Variants in HDAC7 observed in about 807,000 individuals in gnomAD.
HDAC7 encodes the protein histone deacetylase 7.
In HDAC7, 26 loss-of-function variants were observed where a neutral mutation model predicts 115.5. That is an observed-to-expected ratio of 0.23 (90% CI 0.16 to 0.31). The LOEUF (loss-of-function observed/expected upper bound fraction) is 0.31, where lower values mean the gene tolerates loss of function less well. HDAC7 is among the 10% of genes least tolerant of loss of function. The pLI, the probability that HDAC7 is intolerant of heterozygous loss-of-function variation, is 1.00. For synonymous variants in HDAC7, 564 were observed against 550.9 expected (o/e 1.02, Z -0.33); for missense variants, 1,068 against 1,329.0 (o/e 0.80, Z 3.05).
intron 1 of HDAC7, among the ~76,000 whole-genome samples, chr12:47,811,368 G>GTCC (rs1442342022): frequency 6.6e-6 from 1 of 152,164 alleles, no homozygotes; most frequent in Non-Finnish European, 1.5e-5. Flanking sequence ...AGATGGCATG[G>GTCC]TCCTGGGTAC....
chr12:47,808,510 C>G (rs546247396), intron 1 of HDAC7, among the ~76,000 whole-genome samples: 1 of 152,142 alleles, frequency 6.6e-6, no homozygotes, highest in Non-Finnish European at 1.5e-5. Flanking sequence ...AACCTGAGGC[C>G]GGGGAGCTGG....
intron 22 of HDAC7, 116 bp downstream of exon 22, chr12:47,786,469 T>C: frequency 2.8e-6 from 2 of 721,686 alleles, no homozygotes; most frequent in East Asian, 2.6e-5. Flanking sequence ...GTCCTCAGGC[T>C]GAAAGCCCTG....
chr12:47,797,788 G>A lies in HDAC7; in HGVS notation c.462-289C>T, dbSNP rs945309848. ...CACTAGGAACCTGCTCTGGGAACCA[G>A]GACATTTTTGCGCTCAGGGAAAATA... On this transcript the variant is annotated intron_variant, in intron 5 of 25. Coordinates refer to ENST00000080059, the MANE Select transcript of HDAC7 (RefSeq NM_015401.5). This position sits in a 1 kb window ranked among gnomAD's most constrained non-coding sequence, Gnocchi z 5.5. 2.6e-5 allele frequency among the ~76,000 whole-genome samples: 4 copies of A among 151,930 alleles called. No homozygotes were observed. The highest frequency in any genetic ancestry group is 9.7e-5 in the African/African-American group (4 of 41,342).
At chr12:47,806,368 A>G (rs1944402957) in intron 1 of HDAC7, among the ~76,000 whole-genome samples, 1 of 152,238 alleles carries the variant, frequency 6.6e-6, no homozygotes. Flanking sequence ...CCCCACCTGT[A>G]ATCAGGAGAT....
chr12:47,811,062 C>CGAACTGAG (rs1208533760), intron 1 of HDAC7, among the ~76,000 whole-genome samples: 18 of 152,182 alleles, frequency 1.2e-4, no homozygotes, highest in African/African-American at 4.1e-4. Flanking sequence ...CCAGGCAAAC[C>CGAACTGAG]GAACTGAGGC....
chr12:47,798,345 AG>A lies in HDAC7; in HGVS notation c.350-127del. The A allele has an allele frequency of 2.3e-6, 2 of 864,280 alleles. No homozygotes were observed. Among genetic ancestry groups the A allele is most frequent in the Admixed American group, 3.9e-5 (2 of 51,716 alleles). 53.5% of individuals were successfully genotyped at this position (864,280 alleles called of 1,614,324 possible). A position where few individuals can be genotyped will look rare whatever the true frequency, so the allele number is the denominator to read the frequency against. ...CCAGGGACTCCCTAGGCAAGAGCCA[AG>A]CCCGAGGCCCTACCCCTCCCTAGAG... On this transcript the variant is annotated intron_variant, in intron 4 of 25. Transcript: ENST00000080059. The surrounding 1 kb of genome is among the most constrained non-coding windows in gnomAD (Gnocchi z 4.3).
intron 1 of HDAC7, among the ~76,000 whole-genome samples, chr12:47,816,440 T>G (rs1944851685): frequency 6.6e-6 from 1 of 152,126 alleles, no homozygotes; most frequent in African/African-American, 2.4e-5. Context: ...CTTTTATGTG[T>G]GCATATTCCC....
intron 1 of HDAC7, among the ~76,000 whole-genome samples, chr12:47,808,283 CCACGCAGCAGTGGCCT>C (rs1944488530): frequency 6.6e-6 from 1 of 152,168 alleles, no homozygotes; most frequent in Non-Finnish European, 1.5e-5. Context: ...GTAAACAGCC[CCACGCAGCAGTGGCCT>C]GAGCTGGGAG....
chr12:47,800,727 A>C (rs1565572878), intron 2 of HDAC7, among the ~76,000 whole-genome samples: 1 of 152,228 alleles, frequency 6.6e-6, no homozygotes, highest in Non-Finnish European at 1.5e-5. Context: ...AACCAAGGCC[A>C]GCGACCTGGA....
intron 22 of HDAC7, 45 bp from the exon 23 acceptor site, chr12:47,785,930 G>A (rs755526672): frequency 1.9e-6 from 3 of 1,538,726 alleles, no homozygotes; most frequent in East Asian, 2.3e-5. Context: ...GAGTGGAGAG[G>A]TGACCCTGTT....
chr12:47,802,394 T>TGGG (rs1447941674), intron 1 of HDAC7, 120 bp from the exon 2 acceptor site: 5 of 1,535,576 alleles, frequency 3.3e-6, no homozygotes, highest in Non-Finnish European at 4.4e-6. Context: ...CGCCAAAGCC[T>TGGG]GGGACCTCCA....
At chr12:47,819,728 C>T in intron 1 of HDAC7, 39 bp downstream of exon 1, 2 of 694,278 alleles carry the variant, frequency 2.9e-6, no homozygotes, top group Non-Finnish European at 3.6e-6. Context: ...CTGGGTGCCG[C>T]GCGCAGGGCG....
chr12:47,785,670 C>T lies in HDAC7; in HGVS notation c.2706+82G>A, dbSNP rs770343277. The T allele has an allele frequency of 7.3e-6, 11 of 1,497,982 alleles. No individual in the cohort carries two copies. In the African/African-American group the frequency reaches 1.5e-4, roughly 21 times the overall value. The allele number at this position is 1,497,982 out of a possible 1,614,324, so 92.8% of individuals were successfully genotyped here. ...TGGCCACTCCCACCCTGTCCCATCC[C>T]ATCTGCCTGCTCCTTGGGTAGTCCT... On this transcript the variant is annotated intron_variant, in intron 23 of 25. Transcript: ENST00000080059.
At position 47,795,142 on chromosome 12, in the gene HDAC7, T is replaced by G. The variant is rs549561514; in HGVS notation, c.1284+42A>C. On this transcript the variant is annotated intron_variant, in intron 11 of 25. Coordinates refer to ENST00000080059, the MANE Select transcript of HDAC7 (RefSeq NM_015401.5). This position sits in a 1 kb window ranked among gnomAD's most constrained non-coding sequence, Gnocchi z 4.3. Reference sequence around the variant, plus strand: ...CTTCTTTTGGCCCCTAAGTCCCCAGTTAAACACTCCCTCAATACCTCCACT... The same window carrying G: ...CTTCTTTTGGCCCCTAAGTCCCCAGGTAAACACTCCCTCAATACCTCCACT... The G allele has an allele frequency of 6.5e-7, 1 of 1,526,860 alleles. No individual in the cohort carries two copies. Among genetic ancestry groups the G allele is most frequent in the Admixed American group, 1.8e-5 (1 of 56,224 alleles). The allele number at this position is 1,526,860 out of a possible 1,614,324, so 94.6% of individuals were successfully genotyped here.
chr12:47,795,581 A>C lies in HDAC7; in HGVS notation c.1087+6T>G. 2 of 1,557,376 alleles carry C rather than the reference A, an allele frequency of 1.3e-6. No homozygotes were observed. Among genetic ancestry groups the C allele is most frequent in the Non-Finnish European group, 1.7e-6 (2 of 1,151,048 alleles). ...AGCCCCTTCCCTGAAGAAGCAGCAG[A>C]CTCACCAGTCAGCAGCGGGGCATGA... On this transcript the variant is annotated splice_donor_region_variant and intron_variant, in intron 10 of 25. Coordinates refer to ENST00000080059, the MANE Select transcript of HDAC7 (RefSeq NM_015401.5). The surrounding 1 kb of genome is among the most constrained non-coding windows in gnomAD (Gnocchi z 4.3).
intron 15 of HDAC7, 126 bp downstream of exon 15, chr12:47,791,460 G>A (rs1184966600): frequency 2.8e-6 from 4 of 1,415,132 alleles, no homozygotes; most frequent in Admixed American, 2.2e-5. Context: ...GGGCTTGGCA[G>A]CAAGCTGGAG....
At chr12:47,819,633 G>C (rs1193191702) in intron 1 of HDAC7, 134 bp downstream of exon 1, 1 of 157,060 alleles carries the variant, frequency 6.4e-6, no homozygotes, top group South Asian at 1.7e-4. Context: ...AAGCCGGGCT[G>C]GGCCCGCGGG....
chr12:47,787,433 C>T (rs528846657), intron 21 of HDAC7, among the ~76,000 whole-genome samples: 23 of 152,302 alleles, frequency 1.5e-4, no homozygotes, highest in African/African-American at 4.1e-4. Context: ...AATAGAGTGG[C>T]AGCCTTCTCT....
chr12:47,791,348 T>G, intron 15 of HDAC7, 40 bp from the exon 16 acceptor site: 1 of 1,531,194 alleles, frequency 6.5e-7, no homozygotes, highest in Non-Finnish European at 8.8e-7. Flanking sequence ...GTGAATACTC[T>G]CAGCCTTTGG....
Sources: allele counts gnomAD v4.1 joint callset (sites outside exome capture counted in the v4.1 genomes callset), GRCh38; gene constraint gnomAD v4.1.1; non-coding constraint Gnocchi (gnomAD v3.1); transcripts MANE v1.5; gene names NCBI Gene and HGNC (gene_info 2026-07-23, HGNC 2026-07-21).